Variants in PTPRN2 observed in about 807,000 individuals in gnomAD.
PTPRN2 encodes the protein receptor-type tyrosine-protein phosphatase N2.
A neutral mutation model predicts 118.8 loss-of-function variants in PTPRN2; 74 were observed. The observed-to-expected ratio is 0.62, with a 90% confidence interval of 0.52 to 0.76. The LOEUF (loss-of-function observed/expected upper bound fraction) is 0.76. PTPRN2 is among the 30% of genes least tolerant of loss of function. The probability of loss-of-function intolerance (pLI) is 0.00; values close to 1 mark genes in which losing one functional copy is unlikely to be tolerated. For synonymous variants in PTPRN2, 641 were observed against 608.0 expected, an observed-to-expected ratio of 1.05 and a Z score of -0.80; for missense variants, 1,481 against 1,394.4, an observed-to-expected ratio of 1.06 and a Z score of -0.99.
chr7:158,282,495 G>A (rs760656898), intron 3 of PTPRN2, among the ~76,000 whole-genome samples: 1 of 152,220 alleles, frequency 6.6e-6, no homozygotes, highest in Non-Finnish European at 1.5e-5. Context: ...GCCGCGGGCA[G>A]AGCAGCGGGG....
intron 13 of PTPRN2, among the ~76,000 whole-genome samples, chr7:157,658,276 C>T (rs755928240): frequency 1.1e-4 from 16 of 152,304 alleles, no homozygotes; most frequent in Non-Finnish European, 5.9e-5. Flanking sequence ...CTCATTCTGA[C>T]GTTTCTTTCT....
intron 3 of PTPRN2, among the ~76,000 whole-genome samples, chr7:158,213,536 G>C (rs1827759520): frequency 6.6e-6 from 1 of 152,050 alleles, no homozygotes; most frequent in Non-Finnish European, 1.5e-5. Flanking sequence ...TAGAGTATAG[G>C]TCGCTGCAGA....
chr7:158,272,094 C>T (rs961943309), intron 3 of PTPRN2, among the ~76,000 whole-genome samples: 9 of 152,332 alleles, frequency 5.9e-5, no homozygotes, highest in African/African-American at 2.2e-4. Context: ...AACGATTTTT[C>T]CTCCTACAAC....
intron 6 of PTPRN2, among the ~76,000 whole-genome samples, chr7:158,152,941 G>A (rs931002580): frequency 2.2e-5 from 3 of 134,312 alleles, no homozygotes; most frequent in African/African-American, 8.1e-5. Context: ...AGAGCAGACT[G>A]ACAGACACCA....
At chr7:158,043,579 G>A (rs1808627784) in intron 11 of PTPRN2, among the ~76,000 whole-genome samples, 1 of 152,336 alleles carries the variant, frequency 6.6e-6, no homozygotes, top group South Asian at 2.1e-4. Flanking sequence ...ATGGCATTTG[G>A]GTGGCAGACA....
Position 157,621,517 on chromosome 7 carries a change from G to A in PTPRN2, c.2197-8C>T. 1 of 1,611,648 alleles carries A rather than the reference G, an allele frequency of 6.2e-7. No homozygotes were observed. The highest frequency in any genetic ancestry group is 8.5e-7 in the Non-Finnish European group (1 of 1,180,018). ...GTGGTCCTCCATGTAGGACTGAAAGGGAAACACAGGGTCAGGAGCGCACCT... is the reference window on the plus strand; with the variant it reads ...GTGGTCCTCCATGTAGGACTGAAAGAGAAACACAGGGTCAGGAGCGCACCT... On this transcript the variant is annotated splice_polypyrimidine_tract_variant and splice_region_variant and intron_variant, in intron 14 of 22. Coordinates refer to ENST00000389418, the MANE Select transcript of PTPRN2 (RefSeq NM_002847.5).
chr7:158,136,554 G>GGA (rs2150449519), intron 8 of PTPRN2, 101 bp downstream of exon 8: 2 of 1,167,284 alleles, frequency 1.7e-6, no homozygotes, highest in Admixed American at 4.1e-5. Context: ...AATTTTCTGG[G>GGA]AAAAAAACTT....
In PTPRN2 at chr7:157,942,184, ACCCTCCACACACAGGGGTCCTCG is replaced by A. The variant is rs1800183574; in HGVS notation, c.1724-43470_1724-43448del. ...CTCCACACACAGGGGTCCTCGGCCC[ACCCTCCACACACAGGGGTCCTCG>A]GCCCACCCTCCACACACGGGAGTCC... is the stretch of plus-strand genomic sequence containing the variant. On this transcript the variant is annotated intron_variant, in intron 11 of 22. Coordinates refer to ENST00000389418, the MANE Select transcript of PTPRN2 (RefSeq NM_002847.5). Among the ~76,000 whole-genome samples the A allele has an allele frequency of 1.2e-4, 4 of 33,152 alleles. No homozygotes were observed. The African/African-American group carries it at 1.5e-3, about 12-fold the overall frequency. The allele number at this position is 33,152 out of a possible 152,430, so 21.7% of individuals were successfully genotyped here.
chr7:158,164,845 G>A (rs1822784781), intron 6 of PTPRN2, among the ~76,000 whole-genome samples: 1 of 152,182 alleles, frequency 6.6e-6, no homozygotes, highest in Admixed American at 6.5e-5. Context: ...GAGGGGCAAG[G>A]AAGGCTGAGA....
At position 157,576,618 on chromosome 7, in the gene PTPRN2, G is replaced by C; in HGVS notation, c.2778C>G (p.Phe926Leu). 1 of 1,610,226 alleles carries C rather than the reference G, an allele frequency of 6.2e-7. No homozygotes were observed. Among genetic ancestry groups the C allele is most frequent in the Non-Finnish European group, 8.5e-7 (1 of 1,177,958 alleles). ...VPSSSRSLLD[F>L]RRKVNKCYRG... ...CGGCGGGCCGCGCGTCATACCTGCGGAAGTCCAGGAGGGACCTTGAGGAGG... is the reference window on the plus strand; with the variant it reads ...CGGCGGGCCGCGCGTCATACCTGCGCAAGTCCAGGAGGGACCTTGAGGAGG... The change falls in exon 19 of 23, where the codon TTC becomes TTG. Residue 926 changes from phenylalanine (F) to leucine (L), a missense_variant. Phe to Leu is a conservative substitution (Grantham distance 22). Around this residue, in one of 3 missense-constraint regions of PTPRN2, gnomAD observed 362 missense variants for 384.1 expected, o/e 0.94. Transcript: ENST00000389418.
intron 1 of PTPRN2, among the ~76,000 whole-genome samples, chr7:158,493,344 TAC>T (rs1348179978): frequency 1.3e-5 from 2 of 148,484 alleles, no homozygotes; most frequent in African/African-American, 5.0e-5. Flanking sequence ...CCTGCACACA[TAC>T]ACACACGCAC....
intron 15 of PTPRN2, among the ~76,000 whole-genome samples, chr7:157,604,519 T>C (rs915221552): frequency 1.3e-5 from 2 of 152,204 alleles, no homozygotes; most frequent in African/African-American, 4.8e-5. Flanking sequence ...TGCTGGCCTT[T>C]AAATCACAGA....
At chr7:158,139,229 C>T (rs867258940) in intron 6 of PTPRN2, among the ~76,000 whole-genome samples, 2 of 152,152 alleles carry the variant, frequency 1.3e-5, no homozygotes, top group South Asian at 4.1e-4. Context: ...GTGGAGCTGC[C>T]ATAACCGCGG....
In PTPRN2 at chr7:157,966,104, T is replaced by G. The variant is rs6957391; in HGVS notation, c.1724-67367A>C. On this transcript the variant is annotated intron_variant, in intron 11 of 22. Coordinates refer to ENST00000389418, the MANE Select transcript of PTPRN2 (RefSeq NM_002847.5). The stretch of plus-strand genomic sequence containing the variant: ...TTCCAACAGGAGTACTCAGCCACAT[T>G]GAACTTCTTCTCACTAAGAAAAGTT... Among the ~76,000 whole-genome samples, 686 of 151,792 alleles carry G rather than the reference T, an allele frequency of 4.5e-3. 4 individuals carry two copies. The highest frequency in any genetic ancestry group is 0.015 in the African/African-American group (639 of 41,382).
intron 8 of PTPRN2, among the ~76,000 whole-genome samples, chr7:158,134,296 G>T (rs1247003913): frequency 6.6e-6 from 1 of 152,046 alleles, no homozygotes; most frequent in East Asian, 1.9e-4. Context: ...CCTCCCTCCC[G>T]CTCCCTCTCA....
intron 2 of PTPRN2, among the ~76,000 whole-genome samples, chr7:158,328,072 T>C (rs1034525586): frequency 6.6e-6 from 1 of 152,218 alleles, no homozygotes; most frequent in African/African-American, 2.4e-5. Flanking sequence ...ATCAAGCACC[T>C]GCCATGCACA....
At chr7:158,468,543 C>G (rs1670355) in intron 2 of PTPRN2, among the ~76,000 whole-genome samples, 102,609 of 151,782 alleles carry the variant, frequency 0.68, 34,883 homozygotes, top group Admixed American at 0.77. Flanking sequence ...CTGGGCATCA[C>G]TATTTTTCAA....
chr7:158,413,484 C>A (rs987533283), intron 2 of PTPRN2, among the ~76,000 whole-genome samples: 9 of 152,372 alleles, frequency 5.9e-5, no homozygotes, highest in Admixed American at 5.9e-4. Flanking sequence ...AACTAGGAAA[C>A]TGGCCACTGT....
intron 12 of PTPRN2, among the ~76,000 whole-genome samples, chr7:157,746,006 T>A (rs560478575): frequency 1.1e-4 from 16 of 141,812 alleles, no homozygotes; most frequent in African/African-American, 4.2e-4. Flanking sequence ...AGTGTGGAGA[T>A]CACAGGACTC....
Sources: allele counts gnomAD v4.1 joint callset (sites outside exome capture counted in the v4.1 genomes callset), GRCh38; gene constraint gnomAD v4.1.1; regional missense constraint gnomAD v4.1.1; transcripts MANE v1.5; gene names NCBI Gene and HGNC (gene_info 2026-07-23, HGNC 2026-07-21).